KTN1: variants seen among roughly 807,000 people sequenced by gnomAD.
KTN1 encodes the protein kinectin.
A neutral mutation model predicts 222.5 loss-of-function variants in KTN1; 130 were observed. The observed-to-expected ratio is 0.58, with a 90% CI of 0.51 to 0.68. KTN1 has a LOEUF of 0.68. KTN1 is among the 30% of genes least tolerant of loss of function. The pLI, the probability that KTN1 is intolerant of heterozygous loss-of-function variation, is 0.00. For synonymous variants in KTN1, 512 were observed against 496.3 expected (o/e 1.03, Z -0.42); for missense variants, 1,508 against 1,500.4 (o/e 1.01, Z -0.08).
intron 40 of KTN1, 63 bp downstream of exon 40, chr14:55,673,318 A>G: frequency 9.5e-7 from 1 of 1,057,490 alleles, no homozygotes; most frequent in Non-Finnish European, 1.4e-6. Context: ...TGACATGTGG[A>G]GAAACCATCC....
chr14:55,641,007 T>TTATGTTTAATTA, intron 16 of KTN1, 37 bp downstream of exon 16: 1 of 1,549,192 alleles, frequency 6.5e-7, no homozygotes, highest in Non-Finnish European at 8.9e-7. Flanking sequence ...GTTCATACAT[T>TTATGTTTAATTA]TATGTTTAAT....
chr14:55,639,157 T>C, intron 12 of KTN1, 28 bp from the exon 13 acceptor site: 2 of 1,519,590 alleles, frequency 1.3e-6, no homozygotes, highest in Non-Finnish European at 1.8e-6. Context: ...TTAAATACTT[T>C]TATGTTGACA....
chr14:55,665,359 C>T (rs977016950), intron 33 of KTN1, among the ~76,000 whole-genome samples: 16 of 151,970 alleles, frequency 1.1e-4, no homozygotes, highest in Non-Finnish European at 2.2e-4. Flanking sequence ...AAGTTACATG[C>T]TACTTGCCAT....
At chr14:55,649,856 C>A (rs2042761409) in intron 22 of KTN1, 43 bp downstream of exon 22, 2 of 1,201,718 alleles carry the variant, frequency 1.7e-6, no homozygotes, top group African/African-American at 1.7e-5. Context: ...CTTCTTTGGT[C>A]CATTTTTTTT....
intron 43 of KTN1, 109 bp downstream of exon 43, chr14:55,679,794 ATC>A (rs1238119346): frequency 4.3e-6 from 5 of 1,154,444 alleles, no homozygotes; most frequent in Non-Finnish European, 6.3e-6. Context: ...TTCCTTCTTT[ATC>A]TCTCAGAACT....
intron 41 of KTN1, among the ~76,000 whole-genome samples, 194 bp from the exon 42 acceptor site, chr14:55,678,158 C>T (rs2046043146): frequency 6.6e-6 from 1 of 152,148 alleles, no homozygotes; most frequent in South Asian, 2.1e-4. Context: ...TTCTGCATTA[C>T]TTAAGCTTTT....
chr14:55,625,796 T>C, intron 5 of KTN1, among the ~76,000 whole-genome samples: 1 of 152,216 alleles, frequency 6.6e-6, no homozygotes, highest in South Asian at 2.1e-4. Context: ...ATGCATTTGT[T>C]GTTTCACTGT....
At position 55,634,133 on chromosome 14, in the gene KTN1, C is replaced by CA. The variant is rs1049066318; in HGVS notation, c.1329-383dup. ...TGGGTGACAGAGTCACACTCCGTCT[C>CA]AAAAAAAAAAGACACTTTCCTTGTG... On this transcript the variant is annotated intron_variant, in intron 8 of 43. Coordinates refer to ENST00000395314, the MANE Select transcript of KTN1 (RefSeq NM_001079521.2). Among the ~76,000 whole-genome samples the CA allele has an allele frequency of 4.8e-4, 70 of 145,372 alleles. No individual in the cohort carries two copies. The East Asian group carries it at 5.8e-3, about 12-fold the overall frequency.
intron 19 of KTN1, among the ~76,000 whole-genome samples, chr14:55,647,345 T>A (rs1050863627): frequency 3.9e-5 from 6 of 152,066 alleles, no homozygotes; most frequent in African/African-American, 1.4e-4. Context: ...AGAAATAATA[T>A]CATTAACTGC....
At chr14:55,660,483 G>T (rs1489500975) in intron 31 of KTN1, among the ~76,000 whole-genome samples, 1 of 145,112 alleles carries the variant, frequency 6.9e-6, no homozygotes, top group East Asian at 2.1e-4. Context: ...ACATAAGTTA[G>T]TGTGTTTCAA....
intron 4 of KTN1, 81 bp from the exon 5 acceptor site, chr14:55,619,101 C>T: frequency 8.7e-7 from 1 of 1,150,562 alleles, no homozygotes; most frequent in Admixed American, 2.2e-5. Flanking sequence ...GCCGTGAATT[C>T]TTCATGCTTA....
chr14:55,611,263 C>CTTTTT (rs897315974), intron 1 of KTN1, among the ~76,000 whole-genome samples: 9 of 116,054 alleles, frequency 7.8e-5, no homozygotes, highest in African/African-American at 1.7e-4. Flanking sequence ...ATTTTCTTGT[C>CTTTTT]TTTTTTTTTT....
intron 1 of KTN1, among the ~76,000 whole-genome samples, chr14:55,581,559 C>T (rs1212903929): frequency 6.6e-6 from 1 of 152,002 alleles, no homozygotes; most frequent in Non-Finnish European, 1.5e-5. Context: ...TTGTGGAAAG[C>T]CTTGAGAAAT....
intron 12 of KTN1, 143 bp downstream of exon 12, chr14:55,637,990 C>A: frequency 3.3e-6 from 2 of 597,826 alleles, no homozygotes; most frequent in South Asian, 4.9e-5. Context: ...GAGTGCTAAA[C>A]ACTTGCTAAT....
Position 55,653,858 on chromosome 14 carries a change from T to C in KTN1, c.2801+262T>C, listed in dbSNP as rs369511379. Among the ~76,000 whole-genome samples the C allele has an allele frequency of 7.4e-4, 112 of 152,162 alleles. 1 individual carries two copies. Among genetic ancestry groups the C allele is most frequent in the African/African-American group, 2.5e-3 (102 of 41,444 alleles). On this transcript the variant is annotated intron_variant, in intron 28 of 43. Transcript: ENST00000395314. ...TATTCTTTCTGCAAATATAGGCTGG[T>C]TTTAAGTTATTTTTTAAAACAAAAT...
intron 5 of KTN1, among the ~76,000 whole-genome samples, chr14:55,620,425 C>T (rs1426518452): frequency 6.6e-6 from 1 of 152,234 alleles, no homozygotes; most frequent in Non-Finnish European, 1.5e-5. Context: ...TCACATTTCC[C>T]TTCCTCACTA....
intron 32 of KTN1, among the ~76,000 whole-genome samples, chr14:55,662,393 A>G (rs979479561): frequency 6.6e-6 from 1 of 152,088 alleles, no homozygotes; most frequent in Non-Finnish European, 1.5e-5. Context: ...TTTAACTGAG[A>G]GGTGGTTCAA....
chr14:55,596,200 A>G (rs550251462), intron 1 of KTN1, among the ~76,000 whole-genome samples: 26 of 151,472 alleles, frequency 1.7e-4, no homozygotes, highest in African/African-American at 6.3e-4. Flanking sequence ...TAAATGGTTT[A>G]TAGTGGATGG....
chr14:55,651,811 C>G (rs1445580751), intron 24 of KTN1, 79 bp from the exon 25 acceptor site: 1 of 892,650 alleles, frequency 1.1e-6, no homozygotes, highest in Non-Finnish European at 1.8e-6. Flanking sequence ...TTGAAGTGTA[C>G]ACATTATAAA....
Sources: allele counts gnomAD v4.1 joint callset (sites outside exome capture counted in the v4.1 genomes callset), GRCh38; gene constraint gnomAD v4.1.1; transcripts MANE v1.5; gene names NCBI Gene and HGNC (gene_info 2026-07-23, HGNC 2026-07-21).